The following CLIP1 variants were observed in gnomAD, a reference collection of about 807,000 sequenced individuals.
CLIP1 encodes the protein CAP-Gly domain containing linker protein 1.
CLIP1 carries 66 observed loss-of-function variants against 161.6 expected under a neutral mutation model. That is an observed-to-expected ratio of 0.41 (90% CI 0.33 to 0.50). The LOEUF is 0.50. CLIP1 is among the 20% of genes least tolerant of loss of function. The pLI is 0.27. For synonymous variants in CLIP1, 598 were observed against 626.2 expected (o/e 0.96, Z 0.67); for missense variants, 1,376 against 1,702.0 (o/e 0.81, Z 3.37).
At chr12:122,351,926 G>C (rs1285664316) in intron 8 of CLIP1, among the ~76,000 whole-genome samples, 3 of 152,032 alleles carry the variant, frequency 2.0e-5, no homozygotes, top group African/African-American at 7.2e-5. Flanking sequence ...AGTGTTCTTA[G>C]TTTTTGCTCT....
rs568168268 is a variant in CLIP1 at position 122,285,588 on chromosome 12, C to T, written c.3647+2901G>A. 1.0e-3 allele frequency among the ~76,000 whole-genome samples: 156 copies of T among 151,668 alleles called. 2 individuals are homozygous for T. The highest frequency in any genetic ancestry group is 3.3e-3 in the African/African-American group (137 of 41,392). On this transcript the variant is annotated intron_variant, in intron 21 of 25. Transcript: ENST00000620786. ...TTCTGACCTCAAGTGATCCACCTGC[C>T]TTGGCCTCCCAAAGTGCTGGGATTA... is the stretch of plus-strand genomic sequence containing the variant.
At chr12:122,398,863 G>C (rs1463264693) in intron 1 of CLIP1, among the ~76,000 whole-genome samples, 1 of 135,776 alleles carries the variant, frequency 7.4e-6, no homozygotes, top group African/African-American at 2.7e-5. Context: ...TTTTTAAAAA[G>C]TTTAAGAAAA....
chr12:122,330,045 A>G (rs974110490), intron 15 of CLIP1, among the ~76,000 whole-genome samples: 17 of 152,186 alleles, frequency 1.1e-4, no homozygotes, highest in Non-Finnish European at 2.1e-4. Context: ...TGAACCCAGA[A>G]GGTGGAGGTT....
At chr12:122,307,546 A>G (rs1431199926) in intron 20 of CLIP1, among the ~76,000 whole-genome samples, 1 of 152,196 alleles carries the variant, frequency 6.6e-6, no homozygotes, top group Non-Finnish European at 1.5e-5. Context: ...CTGTAGTACT[A>G]CAACTAAAAT....
At chr12:122,348,392 T>C (rs555745632) in intron 9 of CLIP1, among the ~76,000 whole-genome samples, 1 of 152,286 alleles carries the variant, frequency 6.6e-6, no homozygotes, top group East Asian at 1.9e-4. Flanking sequence ...TACCTTAAGA[T>C]GAAGTTGTTT....
Position 122,283,608 on chromosome 12 carries a change from G to A in CLIP1, c.3648-4463C>T, listed in dbSNP as rs371384424. Among the ~76,000 whole-genome samples the A allele has an allele frequency of 7.0e-4, 106 of 151,696 alleles. 1 individual carries two copies. In the South Asian group the frequency reaches 0.021, roughly 30 times the overall value. ...TGAGTAGCTGAGATTCCAGGCACCC[G>A]CCACCACACCCAGCTAATTTTTGTA... is the stretch of plus-strand genomic sequence containing the variant. On this transcript the variant is annotated intron_variant, in intron 21 of 25. Transcript: ENST00000620786.
chr12:122,305,452 T>C (rs1437916953), intron 20 of CLIP1, among the ~76,000 whole-genome samples: 1 of 152,202 alleles, frequency 6.6e-6, no homozygotes, highest in Non-Finnish European at 1.5e-5. Context: ...ACGAATGCTC[T>C]GTATAGTTTC....
rs912271210 is a variant in CLIP1 at position 122,421,954 on chromosome 12, G to A, written c.-107+567C>T. On this transcript the variant is annotated intron_variant, in intron 1 of 25. Transcript: ENST00000620786. ...GATCTGGCCACCTCCAGCCTTCCCC[G>A]GTCTCCGAGAATCACAGCCCCACTT... 2.6e-5 allele frequency among the ~76,000 whole-genome samples: 4 copies of A among 152,348 alleles called. No individual in the cohort carries two copies. The East Asian group carries it at 7.7e-4, about 29-fold the overall frequency.
intron 19 of CLIP1, among the ~76,000 whole-genome samples, chr12:122,312,995 C>T (rs1054381739): frequency 1.3e-5 from 2 of 152,174 alleles, no homozygotes; most frequent in African/African-American, 4.8e-5. Context: ...GTTCCCATTA[C>T]ACAGTCCTCT....
At chr12:122,276,600 G>T in intron 24 of CLIP1, 1 of 696,868 alleles carries the variant, frequency 1.4e-6, no homozygotes, top group African/African-American at 1.9e-5. Context: ...ATCGTTTTGT[G>T]CCCCTCAAAG....
At chr12:122,276,382 C>CCACACACACACACTCACACA in intron 24 of CLIP1, 1 of 1,160,592 alleles carries the variant, frequency 8.6e-7, no homozygotes, top group Non-Finnish European at 1.1e-6. Flanking sequence ...TAGTGGGAAA[C>CCACACACACACACTCACACA]CACACACACA....
chr12:122,291,605 A>C (rs903849666), intron 20 of CLIP1, among the ~76,000 whole-genome samples: 4 of 152,152 alleles, frequency 2.6e-5, no homozygotes, highest in African/African-American at 9.7e-5. Context: ...ATTAGAGTCA[A>C]ATCATGTACT....
intron 1 of CLIP1, among the ~76,000 whole-genome samples, chr12:122,402,673 G>A (rs1481363589): frequency 6.6e-6 from 1 of 152,054 alleles, no homozygotes; most frequent in African/African-American, 2.4e-5. Context: ...CTACTCCGGA[G>A]GCTGAGGCAG....
intron 24 of CLIP1, chr12:122,275,144 C>G (rs1955355962): frequency 1.3e-5 from 2 of 151,990 alleles, no homozygotes; most frequent in African/African-American, 2.4e-5. Flanking sequence ...GCCACTGTAC[C>G]CAGCTGAAAT....
At chr12:122,278,471 T>G (rs1027816410) in intron 23 of CLIP1, 2 of 551,334 alleles carry the variant, frequency 3.6e-6, no homozygotes, top group Non-Finnish European at 6.4e-6. Flanking sequence ...TCCATCTGAA[T>G]GTACAGAGGC....
chr12:122,323,432 C>T lies in CLIP1; in HGVS notation c.3250-4084G>A, dbSNP rs1951592443. The T allele has an allele frequency of 6.6e-6, 1 of 152,670 alleles. No individual in the cohort carries two copies. The highest frequency in any genetic ancestry group is 1.5e-5 in the Non-Finnish European group (1 of 68,060). The allele number at this position is 152,670 out of a possible 1,614,324, so 9.5% of individuals were successfully genotyped here. ...GCACTCGGAGTCCGTGACCGCCCGC[C>T]TGGCCTTAATTTCCTCCAAGAGCTT... On this transcript the variant is annotated intron_variant, in intron 17 of 25. Transcript: ENST00000620786. The surrounding 1 kb of genome is among the most constrained non-coding windows in gnomAD (Gnocchi z 4.1).
intron 1 of CLIP1, among the ~76,000 whole-genome samples, chr12:122,391,614 A>G (rs1471821681): frequency 6.6e-6 from 1 of 152,162 alleles, no homozygotes; most frequent in East Asian, 1.9e-4. Flanking sequence ...TAAAATAGTA[A>G]TAAGAACTTC....
At chr12:122,276,331 C>T in intron 24 of CLIP1, 1 of 1,190,626 alleles carries the variant, frequency 8.4e-7, no homozygotes, top group Non-Finnish European at 1.1e-6. Context: ...TTAAGAGCTC[C>T]ATTTCAGGAA....
At chr12:122,390,225 C>T (rs1955560804) in intron 1 of CLIP1, among the ~76,000 whole-genome samples, 1 of 129,440 alleles carries the variant, frequency 7.7e-6, no homozygotes, top group Admixed American at 8.3e-5. Flanking sequence ...TATATATACA[C>T]ACATATATAC....
Sources: allele counts gnomAD v4.1 joint callset (sites outside exome capture counted in the v4.1 genomes callset), GRCh38; gene constraint gnomAD v4.1.1; non-coding constraint Gnocchi (gnomAD v3.1); transcripts MANE v1.5; gene names NCBI Gene and HGNC (gene_info 2026-07-23, HGNC 2026-07-21).